EXOC6B: variants seen among roughly 807,000 people sequenced by gnomAD.
EXOC6B encodes exocyst complex component 6B.
Under a neutral mutation model 113.5 loss-of-function variants are expected in EXOC6B, and 54 were observed. The observed-to-expected ratio is 0.48, with a 90% CI of 0.38 to 0.60. The LOEUF (loss-of-function observed/expected upper bound fraction) is 0.60. EXOC6B is among the 20% of genes least tolerant of loss of function. The pLI is 0.00. For synonymous variants in EXOC6B, 357 were observed against 339.0 expected (o/e 1.05, Z -0.58); for missense variants, 797 against 977.5 (o/e 0.82, Z 2.46).
chr2:72,654,031 G>A lies in EXOC6B; in HGVS notation c.669+64072C>T, dbSNP rs547499981. The stretch of plus-strand genomic sequence containing the variant: ...GTCGCCCAGGCTGGAGTGCAGTGCC[G>A]CGATCTCTGCTCACTGCAAGCTCCA... On this transcript the variant is annotated intron_variant, in intron 6 of 21. Coordinates refer to ENST00000272427, the MANE Select transcript of EXOC6B (RefSeq NM_015189.3). Among the ~76,000 whole-genome samples, 16 of 149,964 alleles carry A rather than the reference G, an allele frequency of 1.1e-4. No individual in the cohort carries two copies. The South Asian group carries it at 2.9e-3, about 28-fold the overall frequency.
intron 18 of EXOC6B, among the ~76,000 whole-genome samples, chr2:72,421,731 T>C (rs540999688): frequency 6.6e-6 from 1 of 152,366 alleles, no homozygotes; most frequent in South Asian, 2.1e-4. Context: ...TTGGCGGCAC[T>C]TGAGGAGCCC....
intron 18 of EXOC6B, among the ~76,000 whole-genome samples, chr2:72,425,674 C>A (rs1695163872): frequency 6.6e-6 from 1 of 152,074 alleles, no homozygotes; most frequent in Non-Finnish European, 1.5e-5. Flanking sequence ...TATTACATCC[C>A]CTTTTCCTAG....
At chr2:72,488,995 T>C (rs1425005333) in intron 16 of EXOC6B, among the ~76,000 whole-genome samples, 1 of 152,186 alleles carries the variant, frequency 6.6e-6, no homozygotes, top group Non-Finnish European at 1.5e-5. Flanking sequence ...CCAGCTACCC[T>C]AGCCTCCTGA....
intron 20 of EXOC6B, among the ~76,000 whole-genome samples, chr2:72,239,059 C>T (rs983763405): frequency 1.3e-5 from 2 of 152,032 alleles, no homozygotes; most frequent in African/African-American, 4.8e-5. Context: ...CCACTGCACC[C>T]GGCTAATTTT....
At chr2:72,572,446 T>G (rs1704573992) in intron 7 of EXOC6B, among the ~76,000 whole-genome samples, 1 of 152,220 alleles carries the variant, frequency 6.6e-6, no homozygotes, top group African/African-American at 2.4e-5. Context: ...ACAAACCCCC[T>G]GAAATTTCAT....
intron 20 of EXOC6B, among the ~76,000 whole-genome samples, chr2:72,266,348 G>A (rs1449384369): frequency 5.3e-4 from 79 of 148,824 alleles, no homozygotes; most frequent in Middle Eastern, 3.6e-3. Flanking sequence ...GTCCTGAATG[G>A]TAATGCCTAG....
chr2:72,680,234 G>A, intron 6 of EXOC6B, among the ~76,000 whole-genome samples: 1 of 152,144 alleles, frequency 6.6e-6, no homozygotes, highest in Non-Finnish European at 1.5e-5. Flanking sequence ...AAAATCATAG[G>A]CTCTGAAGTA....
At chr2:72,699,477 CAAA>C (rs59106937) in intron 6 of EXOC6B, among the ~76,000 whole-genome samples, 3 of 62,828 alleles carry the variant, frequency 4.8e-5, no homozygotes, top group Non-Finnish European at 3.3e-5. Context: ...GACTCCGTCT[CAAA>C]AAAAAAAAAA....
intron 1 of EXOC6B, among the ~76,000 whole-genome samples, chr2:72,743,597 A>C (rs1681491917): frequency 6.6e-6 from 1 of 152,132 alleles, no homozygotes; most frequent in African/African-American, 2.4e-5. Flanking sequence ...CCCACAACCC[A>C]CCTCAACTAG....
At chr2:72,292,659 C>T (rs1685877823) in intron 20 of EXOC6B, among the ~76,000 whole-genome samples, 1 of 152,088 alleles carries the variant, frequency 6.6e-6, no homozygotes, top group Non-Finnish European at 1.5e-5. Context: ...AAAGAAACTC[C>T]TTTGTTTTAC....
chr2:72,488,251 C>T (rs1160090775), intron 16 of EXOC6B, among the ~76,000 whole-genome samples: 1 of 151,986 alleles, frequency 6.6e-6, no homozygotes, highest in East Asian at 1.9e-4. Flanking sequence ...CTGGTGGCTC[C>T]TTCCCAATCT....
At chr2:72,638,397 T>C (rs1425023207) in intron 6 of EXOC6B, among the ~76,000 whole-genome samples, 2 of 152,020 alleles carry the variant, frequency 1.3e-5, no homozygotes, top group Non-Finnish European at 2.9e-5. Flanking sequence ...GATGGCCGAC[T>C]AGATGCAACA....
chr2:72,620,030 A>G (rs1357021963), intron 6 of EXOC6B, among the ~76,000 whole-genome samples: 2 of 152,218 alleles, frequency 1.3e-5, no homozygotes, highest in African/African-American at 2.4e-5. Context: ...ACTGGGGTGC[A>G]TCCATTCTGC....
At chr2:72,740,787 C>T (rs187238860) in intron 2 of EXOC6B, among the ~76,000 whole-genome samples, 1 of 152,090 alleles carries the variant, frequency 6.6e-6, no homozygotes, top group African/African-American at 2.4e-5. Flanking sequence ...ATGTAGTTAT[C>T]CCAATTAAAA....
chr2:72,238,020 A>C (rs1682072408), intron 20 of EXOC6B, among the ~76,000 whole-genome samples: 1 of 152,170 alleles, frequency 6.6e-6, no homozygotes, highest in African/African-American at 2.4e-5. Context: ...TCACTTTAGA[A>C]CATTTTCATC....
At chr2:72,234,888 A>T (rs989637606) in intron 20 of EXOC6B, among the ~76,000 whole-genome samples, 4 of 152,222 alleles carry the variant, frequency 2.6e-5, no homozygotes, top group Admixed American at 6.5e-5. Flanking sequence ...AAAGTAAAAA[A>T]CAAAAAAAAA....
intron 6 of EXOC6B, 43 bp downstream of exon 6, chr2:72,718,060 C>G (rs1413703425): frequency 4.1e-6 from 6 of 1,478,190 alleles, no homozygotes; most frequent in Non-Finnish European, 5.5e-6. Context: ...TAACTCAATA[C>G]TGATAAAGCC....
intron 16 of EXOC6B, among the ~76,000 whole-genome samples, chr2:72,485,635 T>C (rs975002591): frequency 2.6e-5 from 4 of 152,154 alleles, no homozygotes; most frequent in African/African-American, 9.7e-5. Context: ...AATTCCAAGA[T>C]AAAGTACAAA....
chr2:72,304,131 T>G (rs1455358638), intron 20 of EXOC6B, among the ~76,000 whole-genome samples: 1 of 152,202 alleles, frequency 6.6e-6, no homozygotes, highest in Admixed American at 6.5e-5. Flanking sequence ...TCATTTCATG[T>G]TAGTACATAT....
Sources: allele counts gnomAD v4.1 joint callset (sites outside exome capture counted in the v4.1 genomes callset), GRCh38; gene constraint gnomAD v4.1.1; transcripts MANE v1.5; gene names NCBI Gene and HGNC (gene_info 2026-07-23, HGNC 2026-07-21).